MGMT: variants seen among roughly 807,000 people sequenced by gnomAD.
The protein encoded by MGMT is O-6-methylguanine-DNA methyltransferase, also known as methylated-DNA--protein-cysteine methyltransferase.
A neutral mutation model predicts 15.9 loss-of-function variants in MGMT; 14 were observed. The ratio of observed to expected loss-of-function variants is 0.88; its 90% confidence interval spans 0.58 to 1.37. The LOEUF is 1.37. MGMT is among the 40% of genes most tolerant of loss of function. MGMT has a pLI of 0.00. For synonymous variants in MGMT, 130 were observed against 118.2 expected (o/e 1.10, Z -0.65); for missense variants, 282 against 268.1 (o/e 1.05, Z -0.36).
At chr10:129,633,827 G>T (rs1847237210) in intron 2 of MGMT, among the ~76,000 whole-genome samples, 1 of 152,154 alleles carries the variant, frequency 6.6e-6, no homozygotes, top group African/African-American at 2.4e-5. Flanking sequence ...AATATTGTCT[G>T]TAAAGAACCA....
At position 129,507,406 on chromosome 10, in the gene MGMT, C is replaced by T. The variant is rs12249475; in HGVS notation, c.-12-28835C>T. ...AGACATTTCCCAGTTTGGTGCGGGC[C>T]GCCCTGTGCACAGCTGTCCTACAGC... is the stretch of plus-strand genomic sequence containing the variant. On this transcript the variant is annotated intron_variant, in intron 1 of 4. Coordinates refer to ENST00000651593, the MANE Select transcript of MGMT (RefSeq NM_002412.5). Among the ~76,000 whole-genome samples the T allele has an allele frequency of 9.2e-5, 14 of 152,188 alleles. No homozygotes were observed. In the East Asian group the frequency reaches 1.2e-3, roughly 13 times the overall value.
chr10:129,681,909 C>T (rs1847857362), intron 2 of MGMT, among the ~76,000 whole-genome samples: 1 of 152,100 alleles, frequency 6.6e-6, no homozygotes, highest in African/African-American at 2.4e-5. Context: ...ATAAACATTC[C>T]AGCTAGAAAT....
At chr10:129,491,747 A>G (rs996685555) in intron 1 of MGMT, among the ~76,000 whole-genome samples, 5 of 152,134 alleles carry the variant, frequency 3.3e-5, no homozygotes, top group African/African-American at 1.2e-4. Context: ...ATCCTGAATT[A>G]CAAATTTTGT....
At chr10:129,606,389 G>A (rs758744423) in intron 2 of MGMT, among the ~76,000 whole-genome samples, 16 of 152,258 alleles carry the variant, frequency 1.1e-4, no homozygotes, top group South Asian at 8.3e-4. Flanking sequence ...CCCTGTCTTC[G>A]TTGACTTTTG....
intron 2 of MGMT, among the ~76,000 whole-genome samples, chr10:129,582,063 G>A (rs1186056521): frequency 6.6e-6 from 1 of 152,170 alleles, no homozygotes; most frequent in Non-Finnish European, 1.5e-5. Flanking sequence ...GTGGTGAGGG[G>A]GTGAATTCCT....
chr10:129,531,236 C>T (rs578198844), intron 1 of MGMT, among the ~76,000 whole-genome samples: 122 of 152,202 alleles, frequency 8.0e-4, no homozygotes, highest in African/African-American at 2.8e-3. Context: ...TGGGGCATGG[C>T]GGTATTACTG....
Position 129,532,886 on chromosome 10 carries a change from C to T in MGMT, c.-12-3355C>T, listed in dbSNP as rs1845947884. ...GCCCCCACATGGGGCACTCCCCAGTCCGAATGTCTGCAGTGCAGCTTCAGG... is the reference window on the plus strand; with the variant it reads ...GCCCCCACATGGGGCACTCCCCAGTTCGAATGTCTGCAGTGCAGCTTCAGG... On this transcript the variant is annotated intron_variant, in intron 1 of 4. Transcript: ENST00000651593. The surrounding 1 kb of genome is among the most constrained non-coding windows in gnomAD (Gnocchi z 5.3). Among the ~76,000 whole-genome samples, 1 of 152,220 alleles carries T rather than the reference C, an allele frequency of 6.6e-6. No individual in the cohort carries two copies. Among genetic ancestry groups the T allele is most frequent in the African/African-American group, 2.4e-5 (1 of 41,470 alleles).
intron 3 of MGMT, among the ~76,000 whole-genome samples, chr10:129,733,559 T>C (rs1485330662): frequency 6.6e-6 from 1 of 151,638 alleles, no homozygotes; most frequent in African/African-American, 2.4e-5. Flanking sequence ...AGCTCTTTAG[T>C]TTAATTAGAT....
At chr10:129,652,532 A>C (rs1847472316) in intron 2 of MGMT, among the ~76,000 whole-genome samples, 1 of 152,192 alleles carries the variant, frequency 6.6e-6, no homozygotes, top group Non-Finnish European at 1.5e-5. Context: ...CAGACTTCAG[A>C]GCTGATCACA....
intron 2 of MGMT, among the ~76,000 whole-genome samples, chr10:129,592,783 G>A (rs1195281566): frequency 6.6e-6 from 1 of 151,040 alleles, no homozygotes; most frequent in Non-Finnish European, 1.5e-5. Flanking sequence ...ATGTAAACCA[G>A]TGCAACTTTA....
chr10:129,667,607 A>C lies in MGMT; in HGVS notation c.126-40288A>C, dbSNP rs79296669. The stretch of plus-strand genomic sequence containing the variant: ...GTCATTCCTGCCTGCCTCTTGATGC[A>C]CACAGGCACGCATTTCTGCTGGGTA... On this transcript the variant is annotated intron_variant, in intron 2 of 4. Transcript: ENST00000651593. 1.3e-3 allele frequency among the ~76,000 whole-genome samples: 203 copies of C among 152,276 alleles called. 7 individuals are homozygous for C. The East Asian group carries it at 0.038, about 28-fold the overall frequency.
intron 2 of MGMT, among the ~76,000 whole-genome samples, chr10:129,569,901 C>G (rs1344318765): frequency 6.6e-6 from 1 of 152,236 alleles, no homozygotes; most frequent in Non-Finnish European, 1.5e-5. Context: ...AACACATTCA[C>G]ACAAACATTT....
chr10:129,641,147 A>G (rs762498238), intron 2 of MGMT, among the ~76,000 whole-genome samples: 12 of 152,352 alleles, frequency 7.9e-5, no homozygotes, highest in South Asian at 2.1e-4. Flanking sequence ...TACGCAACAT[A>G]CAAAAACCAA....
chr10:129,526,264 G>A (rs1845869459), intron 1 of MGMT, among the ~76,000 whole-genome samples: 2 of 152,200 alleles, frequency 1.3e-5, no homozygotes, highest in South Asian at 2.1e-4. Context: ...TGATTTTGAG[G>A]TGGGCTGAGC....
chr10:129,760,244 C>T (rs1564787319), intron 4 of MGMT, among the ~76,000 whole-genome samples: 3 of 152,352 alleles, frequency 2.0e-5, no homozygotes, highest in East Asian at 3.9e-4. Flanking sequence ...CAAGGCCACA[C>T]GTGCCTGTGT....
chr10:129,621,083 C>T (rs2133075498), intron 2 of MGMT, among the ~76,000 whole-genome samples: 1 of 152,222 alleles, frequency 6.6e-6, no homozygotes, highest in Admixed American at 6.5e-5. Context: ...ACATGTGACT[C>T]GGGCAACTGA....
At chr10:129,623,022 C>T (rs930787984) in intron 2 of MGMT, among the ~76,000 whole-genome samples, 1 of 152,198 alleles carries the variant, frequency 6.6e-6, no homozygotes, top group South Asian at 2.1e-4. Flanking sequence ...TGGCCACCTG[C>T]AGAGGAGCCA....
chr10:129,670,394 T>C (rs1462891459), intron 2 of MGMT, among the ~76,000 whole-genome samples: 13 of 152,218 alleles, frequency 8.5e-5, no homozygotes, highest in Non-Finnish European at 1.0e-4. Flanking sequence ...TAAAAATTTT[T>C]TCTTTGAAAA....
At chr10:129,522,873 C>T (rs1404225233) in intron 1 of MGMT, among the ~76,000 whole-genome samples, 1 of 152,182 alleles carries the variant, frequency 6.6e-6, no homozygotes, top group African/African-American at 2.4e-5. Flanking sequence ...CTTTGGCCAC[C>T]TTGCTTAATT....
Sources: allele counts gnomAD v4.1 joint callset (sites outside exome capture counted in the v4.1 genomes callset), GRCh38; gene constraint gnomAD v4.1.1; non-coding constraint Gnocchi (gnomAD v3.1); transcripts MANE v1.5; gene names NCBI Gene and HGNC (gene_info 2026-07-23, HGNC 2026-07-21).